Variants in MYCBP2 observed in about 807,000 individuals in gnomAD.
MYCBP2 encodes E3 ubiquitin-protein ligase MYCBP2.
A neutral mutation model predicts 525.3 loss-of-function variants in MYCBP2; 120 were observed. The ratio of observed to expected loss-of-function variants is 0.23; its 90% CI spans 0.20 to 0.27. The LOEUF (loss-of-function observed/expected upper bound fraction) is 0.27. MYCBP2 is among the 10% of genes least tolerant of loss of function. The probability of loss-of-function intolerance (pLI) is 1.00; values close to 1 mark genes in which losing one functional copy is unlikely to be tolerated. For missense variants in MYCBP2, 4,149 were observed against 5,657.1 expected (o/e 0.73, Z 8.55); for synonymous variants, 1,894 against 1,955.8 (o/e 0.97, Z 0.83).
intron 32 of MYCBP2, among the ~76,000 whole-genome samples, chr13:77,183,260 G>C (rs1168582139): frequency 6.6e-6 from 1 of 152,074 alleles, no homozygotes; most frequent in Admixed American, 6.6e-5. Flanking sequence ...AAATTAGTTG[G>C]GAAGTGTTGC....
In MYCBP2 at chr13:77,139,218, T is replaced by C. The variant is rs1426676739; in HGVS notation, c.7637A>G (p.Lys2546Arg). ...TACGTCAACAGGGACCAGAAGACTCTTGCCAAGATGTTGATTAAAAGAGAG... is the reference window on the plus strand; with the variant it reads ...TACGTCAACAGGGACCAGAAGACTCCTGCCAAGATGTTGATTAAAAGAGAG... ...WCLSFNQHLG[K>R]SLLVPVDESK... is the part of the protein sequence containing the mutation. Residue 2546 changes from lysine to arginine, a missense_variant, in exon 52 of 83, where the codon AAG becomes AGG. Physicochemically the swap from Lys to Arg is conservative, Grantham distance 26 (BLOSUM62 2). Transcript: ENST00000544440. The C allele has an allele frequency of 6.2e-7, 1 of 1,613,774 alleles. No homozygotes were observed. Among genetic ancestry groups the C allele is most frequent in the Non-Finnish European group, 8.5e-7 (1 of 1,179,740 alleles).
chr13:77,292,960 A>G (rs1275711378), intron 2 of MYCBP2, among the ~76,000 whole-genome samples: 1 of 147,046 alleles, frequency 6.8e-6, no homozygotes, highest in African/African-American at 2.5e-5. Flanking sequence ...CTCCGTCTCA[A>G]AAAAAAAAAA....
intron 22 of MYCBP2, 61 bp downstream of exon 22, chr13:77,211,895 A>G (rs1266404061): frequency 2.3e-6 from 3 of 1,310,170 alleles, no homozygotes; most frequent in Non-Finnish European, 3.3e-6. Flanking sequence ...GGAAAGATAA[A>G]CCATTTACTA....
chr13:77,178,024 G>A (rs2059871800), intron 34 of MYCBP2, 70 bp from the exon 35 acceptor site: 4 of 939,104 alleles, frequency 4.3e-6, no homozygotes, highest in East Asian at 2.4e-5. Context: ...AGGTTTCTAA[G>A]AAGTCTAATA....
At chr13:77,047,152 A>AC (rs2035737204) in intron 82 of MYCBP2, among the ~76,000 whole-genome samples, 1 of 152,224 alleles carries the variant, frequency 6.6e-6, no homozygotes, top group Non-Finnish European at 1.5e-5. Flanking sequence ...CATGGTGGTG[A>AC]GAAATAAAAA....
intron 63 of MYCBP2, chr13:77,082,262 G>A: frequency 2.3e-5 from 7 of 310,226 alleles, no homozygotes; most frequent in Middle Eastern, 1.0e-3. Context: ...GGCTACAGAA[G>A]CAAAAAGGGT....
Position 77,326,350 on chromosome 13 carries a change from G to T in MYCBP2, c.302+124C>A. ...CTCCTGCCAACAGACATCCAGAGCGGACTGAAAGCTCAATAAATGCGCAGG... is the reference window on the plus strand; with the variant it reads ...CTCCTGCCAACAGACATCCAGAGCGTACTGAAAGCTCAATAAATGCGCAGG... On this transcript the variant is annotated intron_variant, in intron 1 of 82. Transcript: ENST00000544440. This position sits in a 1 kb window ranked among gnomAD's most constrained non-coding sequence, Gnocchi z 4.2. 2.1e-6 allele frequency: 2 copies of T among 957,696 alleles called. No individual in the cohort carries two copies. The highest frequency in any genetic ancestry group is 1.8e-5 in the South Asian group (1 of 55,496). The allele number at this position is 957,696 out of a possible 1,614,324, so 59.3% of individuals were successfully genotyped here. A position where few individuals can be genotyped will look rare whatever the true frequency, so the allele number is the denominator to read the frequency against.
chr13:77,111,392 T>C lies in MYCBP2; in HGVS notation c.8140+9981A>G, dbSNP rs191316880. 2.1e-3 allele frequency among the ~76,000 whole-genome samples: 316 copies of C among 152,110 alleles called. 1 individual carries two copies. Among genetic ancestry groups the C allele is most frequent in the Non-Finnish European group, 3.3e-3 (223 of 67,982 alleles). On this transcript the variant is annotated intron_variant, in intron 55 of 82. Transcript: ENST00000544440. ...TTTCAAAACAGAGCATAAAAGTAGA[T>C]GTCATTTGAGACTGGCTCCTAACTT...
Position 77,166,562 on chromosome 13 carries a change from C to A in MYCBP2, c.6115-8G>T. 6.2e-7 allele frequency: 1 copy of A among 1,600,096 alleles called. No individual in the cohort carries two copies. The highest frequency in any genetic ancestry group is 1.1e-5 in the South Asian group (1 of 89,930). On this transcript the variant is annotated splice_region_variant and splice_polypyrimidine_tract_variant and intron_variant, in intron 40 of 82. Coordinates refer to ENST00000544440, the MANE Select transcript of MYCBP2 (RefSeq NM_015057.5). ...ACATTCTGGGAATGTCACCTGAGGT[C>A]AACAGGCAAAGTGACATGAATACAG...
At chr13:77,238,242 C>CAAAAAAAA (rs772175406) in intron 17 of MYCBP2, among the ~76,000 whole-genome samples, 33 of 28,252 alleles carry the variant, frequency 1.2e-3, no homozygotes, top group African/African-American at 1.6e-3. Context: ...GACTCCGTCT[C>CAAAAAAAA]AAAAAAAAAA....
At chr13:77,090,362 T>A (rs922770126) in intron 59 of MYCBP2, 99 bp from the exon 60 acceptor site, 2 of 997,448 alleles carry the variant, frequency 2.0e-6, no homozygotes, top group Admixed American at 3.0e-5. Flanking sequence ...ATATTTCATG[T>A]GGAGAAACAA....
Position 77,165,233 on chromosome 13 carries a change from C to A in MYCBP2, c.6459+40G>T, listed in dbSNP as rs755066500. 2.0e-6 allele frequency: 3 copies of A among 1,514,530 alleles called. No individual in the cohort carries two copies. In the Admixed American group the frequency reaches 5.2e-5, roughly 26 times the overall value. The allele number at this position is 1,514,530 out of a possible 1,614,324, so 93.8% of individuals were successfully genotyped here. ...CACAACTCACTAGCCCTTAGAAACA[C>A]AATCTTCCTTAAAAGAATGAAAAGA... On this transcript the variant is annotated intron_variant, in intron 42 of 82. Coordinates refer to ENST00000544440, the MANE Select transcript of MYCBP2 (RefSeq NM_015057.5).
rs1395367805 is a variant in MYCBP2, at chr13:77,087,501, T to C, written c.10858A>G (p.Lys3620Glu). Residue 3620 changes from lysine (K) to glutamate (E), a missense_variant, in exon 62 of 83, where the codon AAA becomes GAA. By Grantham distance (56) the Lys-to-Glu change is moderately conservative. Around this residue, in one of 21 missense-constraint regions of MYCBP2, gnomAD observed 509 missense variants for 789.4 expected, o/e 0.64. Transcript: ENST00000544440. ...EEEDEENKTS[K>E]ENSEQEKDTR... Reference sequence around the variant, plus strand: ...TCATTTACTTGTTCTGAATTTTCTTTGCTTGTTTTATTTTCTTCATCCTCT... The same window carrying C: ...TCATTTACTTGTTCTGAATTTTCTTCGCTTGTTTTATTTTCTTCATCCTCT... 6.2e-7 allele frequency: 1 copy of C among 1,611,228 alleles called. No individual in the cohort carries two copies. Among genetic ancestry groups the C allele is most frequent in the Admixed American group, 1.7e-5 (1 of 59,634 alleles).
At chr13:77,296,165 A>G (rs980398318) in intron 2 of MYCBP2, among the ~76,000 whole-genome samples, 4 of 152,198 alleles carry the variant, frequency 2.6e-5, no homozygotes, top group Non-Finnish European at 5.9e-5. Flanking sequence ...CATGTCTGCA[A>G]TGTCAGTACT....
At chr13:77,297,275 GA>G in intron 1 of MYCBP2, among the ~76,000 whole-genome samples, 1 of 152,276 alleles carries the variant, frequency 6.6e-6, no homozygotes, top group East Asian at 1.9e-4. Flanking sequence ...AAGAAGCAAG[GA>G]AAACATTTTA....
chr13:77,184,643 T>C (rs2060559163), intron 32 of MYCBP2, among the ~76,000 whole-genome samples: 1 of 152,222 alleles, frequency 6.6e-6, no homozygotes, highest in Admixed American at 6.5e-5. Flanking sequence ...GTTCTGTCAG[T>C]GTTTTGCCTC....
intron 55 of MYCBP2, among the ~76,000 whole-genome samples, chr13:77,111,141 T>A (rs1713548262): frequency 6.6e-6 from 1 of 152,156 alleles, no homozygotes; most frequent in South Asian, 2.1e-4. Context: ...GAGTGCAAAA[T>A]CATGAGAATG....
At position 77,119,642 on chromosome 13, in the gene MYCBP2, C is replaced by G. The variant is rs192628193; in HGVS notation, c.8140+1731G>C. 1.1e-4 allele frequency among the ~76,000 whole-genome samples: 17 copies of G among 152,232 alleles called. No homozygotes were observed. In the East Asian group the frequency reaches 3.1e-3, roughly 28 times the overall value. ...GATAATAAAGTTAGATATATTTCAT[C>G]AAGTTTAAGTTTCTTATTATTTCTT... On this transcript the variant is annotated intron_variant, in intron 55 of 82. Coordinates refer to ENST00000544440, the MANE Select transcript of MYCBP2 (RefSeq NM_015057.5).
intron 34 of MYCBP2, 74 bp from the exon 35 acceptor site, chr13:77,178,028 T>A: frequency 1.1e-6 from 1 of 886,644 alleles, no homozygotes; most frequent in African/African-American, 1.7e-5. Context: ...TTCTAAGAAG[T>A]CTAATAAAAT....
Sources: allele counts gnomAD v4.1 joint callset (sites outside exome capture counted in the v4.1 genomes callset), GRCh38; gene constraint gnomAD v4.1.1; regional missense constraint gnomAD v4.1.1; non-coding constraint Gnocchi (gnomAD v3.1); transcripts MANE v1.5; gene names NCBI Gene and HGNC (gene_info 2026-07-23, HGNC 2026-07-21).